Variants in ACVR1B observed in about 807,000 individuals in gnomAD.
ACVR1B encodes activin A receptor type 1B, also known as activin receptor type-1B.
In ACVR1B, 15 loss-of-function variants were observed where a neutral mutation model predicts 55.6. That is an observed-to-expected ratio of 0.27 (90% CI 0.18 to 0.42). The LOEUF (loss-of-function observed/expected upper bound fraction) is 0.42, where lower values mean the gene tolerates loss of function less well. Ranked by LOEUF, ACVR1B falls within the 10% of genes least tolerant of loss-of-function variation. The pLI, the probability that ACVR1B is intolerant of heterozygous loss-of-function variation, is 1.00. For missense variants in ACVR1B, 359 were observed against 670.1 expected, an observed-to-expected ratio of 0.54 and a Z score of 5.13; for synonymous variants, 247 against 254.6, an observed-to-expected ratio of 0.97 and a Z score of 0.28.
chr12:51,984,276 C>T, intron 5 of ACVR1B, 110 bp downstream of exon 5: 1 of 1,275,298 alleles, frequency 7.8e-7, no homozygotes, highest in South Asian at 1.5e-5. Context: ...GGCTGGACCT[C>T]AGGAACTCTA....
At chr12:51,961,094 C>T (rs568276644) in intron 1 of ACVR1B, among the ~76,000 whole-genome samples, 3 of 96,636 alleles carry the variant, frequency 3.1e-5, no homozygotes, top group East Asian at 3.7e-4. Context: ...TGTGGACCTT[C>T]GTCCTCTTGT....
intron 4 of ACVR1B, among the ~76,000 whole-genome samples, chr12:51,983,262 C>G (rs565378590): frequency 5.9e-5 from 9 of 152,322 alleles, no homozygotes; most frequent in African/African-American, 1.9e-4. Flanking sequence ...TCTCCCTCCT[C>G]CTGCTCTCCT....
chr12:51,951,758 C>T lies in ACVR1B; in HGVS notation c.15C>T (p.Ala5=), dbSNP rs745908065. The part of the protein sequence containing the change: MAES[A]GASSFFPLVV... ...CGGTGGTTACTATGGCGGAGTCGGC[C>T]GGAGCCTCCTCCTTCTTCCCCCTTG... is the stretch of plus-strand genomic sequence containing the variant. The change falls in exon 1 of 9, where the codon GCC becomes GCT. Residue 5 remains alanine, a synonymous_variant. Transcript: ENST00000257963. 21 of 1,282,968 alleles carry T rather than the reference C, an allele frequency of 1.6e-5. No homozygotes were observed. Among genetic ancestry groups the T allele is most frequent in the Admixed American group, 6.6e-5 (2 of 30,272 alleles). The allele number at this position is 1,282,968 out of a possible 1,614,324, so 79.5% of individuals were successfully genotyped here. A position where few individuals can be genotyped will look rare whatever the true frequency, so the allele number is the denominator to read the frequency against.
intron 4 of ACVR1B, chr12:51,982,806 T>C (rs773517703): frequency 6.6e-6 from 10 of 1,516,734 alleles, no homozygotes; most frequent in South Asian, 6.2e-5. Context: ...TTATTCCCAC[T>C]GAGTAAGCTA....
chr12:51,986,761 T>C, intron 6 of ACVR1B, 57 bp from the exon 7 acceptor site: 4 of 1,560,550 alleles, frequency 2.6e-6, no homozygotes, highest in Non-Finnish European at 3.5e-6. Context: ...AATACTTTGA[T>C]TTAAAGAGAG....
intron 1 of ACVR1B, among the ~76,000 whole-genome samples, chr12:51,973,933 T>G (rs574839232): frequency 4.8e-4 from 73 of 152,288 alleles, no homozygotes; most frequent in African/African-American, 1.7e-3. Context: ...ACTGAGATAT[T>G]TAGAATCTGT....
intron 1 of ACVR1B, among the ~76,000 whole-genome samples, chr12:51,974,824 A>G (rs1008228426): frequency 7.9e-5 from 12 of 152,334 alleles, no homozygotes; most frequent in African/African-American, 2.2e-4. Flanking sequence ...GGAAAAAAGC[A>G]TTGCAGCAAA....
intron 3 of ACVR1B, among the ~76,000 whole-genome samples, chr12:51,978,427 AATG>A (rs1417997283): frequency 6.6e-6 from 1 of 152,220 alleles, no homozygotes; most frequent in African/African-American, 2.4e-5. Flanking sequence ...GGTTTCTAAT[AATG>A]TGGTTTTTAA....
Position 51,993,765 on chromosome 12 carries a change from T to TAAAA in ACVR1B, c.1393-184_1393-181dup, listed in dbSNP as rs869161100. On this transcript the variant is annotated intron_variant, in intron 8 of 8. Coordinates refer to ENST00000257963, the MANE Select transcript of ACVR1B (RefSeq NM_004302.5). ...CTGGGTGACAGAGTGAGACTCCTTC[T>TAAAA]AAAAAAAAAAAAAAAAAAAAAAAAA... Among the ~76,000 whole-genome samples the TAAAA allele has an allele frequency of 4.7e-4, 14 of 29,768 alleles. 2 individuals are homozygous for TAAAA. The East Asian group carries it at 5.1e-3, about 11-fold the overall frequency. The allele number at this position is 29,768 out of a possible 152,430, so 19.5% of individuals were successfully genotyped here.
At position 51,990,990 on chromosome 12, in the gene ACVR1B, G is replaced by A. The variant is rs547588614; in HGVS notation, c.1262-873G>A. 1.8e-4 allele frequency among the ~76,000 whole-genome samples: 27 copies of A among 152,256 alleles called. No homozygotes were observed. In the East Asian group the frequency reaches 2.7e-3, roughly 15 times the overall value. On this transcript the variant is annotated intron_variant, in intron 7 of 8. Transcript: ENST00000257963. The stretch of plus-strand genomic sequence containing the variant: ...CCTCTGTCCTTCTGTGACAAGTTGC[G>A]TAGCATTGGTTCTCTATTTTTGTGT...
In ACVR1B at chr12:51,951,767, C is replaced by G; in HGVS notation, c.24C>G (p.Ser8=). MAESAGA[S]SFFPLVVLLL... ...CTATGGCGGAGTCGGCCGGAGCCTC[C>G]TCCTTCTTCCCCCTTGTTGTCCTCC... Residue 8 remains serine (S), a synonymous_variant, in exon 1 of 9, where the codon TCC becomes TCG. Coordinates refer to ENST00000257963, the MANE Select transcript of ACVR1B (RefSeq NM_004302.5). The G allele has an allele frequency of 1.5e-6, 2 of 1,291,866 alleles. No individual in the cohort carries two copies. The highest frequency in any genetic ancestry group is 2.0e-6 in the Non-Finnish European group (2 of 1,011,364). The allele number at this position is 1,291,866 out of a possible 1,614,324, so 80.0% of individuals were successfully genotyped here.
intron 5 of ACVR1B, 133 bp from the exon 6 acceptor site, chr12:51,985,059 G>A (rs1942051330): frequency 1.1e-6 from 1 of 877,410 alleles, no homozygotes; most frequent in East Asian, 2.9e-5. Context: ...GAGGGCTAAA[G>A]TCACTTTTCC....
intron 4 of ACVR1B, 52 bp from the exon 5 acceptor site, chr12:51,983,947 T>G (rs1311573298): frequency 1.3e-6 from 2 of 1,599,590 alleles, no homozygotes; most frequent in Admixed American, 1.7e-5. Flanking sequence ...CAACCTTCAC[T>G]GTTTTGCTGA....
At position 51,976,451 on chromosome 12, in the gene ACVR1B, T is replaced by C. The variant is rs529322653; in HGVS notation, c.456T>C (p.His152=). The C allele has an allele frequency of 1.1e-5, 17 of 1,614,146 alleles. No individual in the cohort carries two copies. The African/African-American group carries it at 2.3e-4, about 22-fold the overall frequency. The change falls in exon 3 of 9, where the codon CAT becomes CAC. Residue 152 remains histidine, a synonymous_variant. Coordinates refer to ENST00000257963, the MANE Select transcript of ACVR1B (RefSeq NM_004302.5). ...TTGTTTTCCTTGTCATTAACTATCA[T>C]CAGCGTGTCTATCACAACCGCCAGA... ...IIIVFLVINY[H]QRVYHNRQRL...
chr12:51,994,203 C>T lies in ACVR1B; in HGVS notation c.*93C>T, dbSNP rs571355915. On this transcript the variant is annotated 3_prime_UTR_variant, in exon 9 of 9. Transcript: ENST00000257963. This position sits in a 1 kb window ranked among gnomAD's most constrained non-coding sequence, Gnocchi z 4.2. ...GATGGAGGCCTACCTCTCGTTTCTG[C>T]CCAGCCCTCTGTGGCCAGGAGCCCT... 83 of 1,539,388 alleles carry T rather than the reference C, an allele frequency of 5.4e-5. No individual in the cohort carries two copies. In the African/African-American group the frequency reaches 9.5e-4, roughly 18 times the overall value.
chr12:51,956,345 A>G (rs1941407188), intron 1 of ACVR1B, among the ~76,000 whole-genome samples: 1 of 152,202 alleles, frequency 6.6e-6, no homozygotes, highest in Non-Finnish European at 1.5e-5. Context: ...AGATTTCTTT[A>G]TTCATTGGAT....
intron 7 of ACVR1B, among the ~76,000 whole-genome samples, chr12:51,988,744 G>T (rs1204628615): frequency 6.6e-6 from 1 of 152,088 alleles, no homozygotes; most frequent in Non-Finnish European, 1.5e-5. Flanking sequence ...GTAAACAAGG[G>T]TTCAGACTCG....
intron 2 of ACVR1B, 119 bp downstream of exon 2, chr12:51,975,623 T>C (rs1192248274): frequency 2.2e-6 from 3 of 1,338,074 alleles, no homozygotes; most frequent in African/African-American, 1.5e-5. Context: ...CTTTTGGATG[T>C]TCCCGAAGGT....
Position 51,951,844 on chromosome 12 carries a change from G to A in ACVR1B, c.91+10G>A. On this transcript the variant is annotated intron_variant, in intron 1 of 8. Coordinates refer to ENST00000257963, the MANE Select transcript of ACVR1B (RefSeq NM_004302.5). ...CCCCGGGGGGTCCAGGGTGAGTCCT[G>A]GGACGGGGGGCGGGGGCCGGGATGG... 1 of 1,264,258 alleles carries A rather than the reference G, an allele frequency of 7.9e-7. No individual in the cohort carries two copies. Among genetic ancestry groups the A allele is most frequent in the Non-Finnish European group, 1.0e-6 (1 of 995,732 alleles). The allele number at this position is 1,264,258 out of a possible 1,614,324, so 78.3% of individuals were successfully genotyped here.
Sources: gnomAD v4.1 joint callset for allele counts (sites outside exome capture counted in the v4.1 genomes callset) on GRCh38, gnomAD v4.1.1 for gene constraint, Gnocchi (gnomAD v3.1) non-coding constraint, MANE v1.5 for transcripts, NCBI Gene and HGNC (gene_info 2026-07-23, HGNC 2026-07-21) for gene names.